Variants in PRKCE observed in about 807,000 individuals in gnomAD.
PRKCE encodes protein kinase C epsilon.
In PRKCE, 16 loss-of-function variants were observed where a neutral mutation model predicts 85.4. The ratio of observed to expected loss-of-function variants is 0.19; its 90% CI spans 0.13 to 0.28. The LOEUF (loss-of-function observed/expected upper bound fraction) is 0.28, where lower values mean the gene tolerates loss of function less well. Ranked by LOEUF, PRKCE falls within the 10% of genes least tolerant of loss-of-function variation. PRKCE has a pLI of 1.00. For missense variants in PRKCE, 573 were observed against 975.2 expected (o/e 0.59, Z 5.49); for synonymous variants, 388 against 371.5 (o/e 1.04, Z -0.51).
intron 6 of PRKCE, among the ~76,000 whole-genome samples, chr2:45,992,850 C>G (rs1305786301): frequency 6.6e-6 from 1 of 151,930 alleles, no homozygotes; most frequent in Non-Finnish European, 1.5e-5. Context: ...GTCAGAGTGC[C>G]TGAACCCCAG....
intron 1 of PRKCE, among the ~76,000 whole-genome samples, chr2:45,802,053 C>T (rs1390092508): frequency 1.4e-5 from 2 of 140,776 alleles, no homozygotes; most frequent in African/African-American, 2.7e-5. Flanking sequence ...AGTTCAAGAA[C>T]AACCTGGGCA....
chr2:46,052,008 T>C (rs1166467476), intron 10 of PRKCE, among the ~76,000 whole-genome samples: 3 of 152,042 alleles, frequency 2.0e-5, no homozygotes, highest in African/African-American at 7.2e-5. Context: ...CCCACCTGGT[T>C]CCTCCATCAA....
At chr2:46,059,208 AGCCCAGGAGG>A (rs1558405657) in intron 10 of PRKCE, among the ~76,000 whole-genome samples, 3 of 152,024 alleles carry the variant, frequency 2.0e-5, no homozygotes, top group African/African-American at 7.3e-5. Flanking sequence ...GTGAGCCATG[AGCCCAGGAGG>A]TTAAGGCTAC....
intron 1 of PRKCE, among the ~76,000 whole-genome samples, chr2:45,692,786 T>C (rs2104091643): frequency 6.6e-6 from 1 of 152,138 alleles, no homozygotes; most frequent in Admixed American, 6.5e-5. Context: ...AACACACATC[T>C]ATCACATGAT....
chr2:45,768,484 C>T (rs1457186645), intron 1 of PRKCE, among the ~76,000 whole-genome samples: 2 of 152,152 alleles, frequency 1.3e-5, no homozygotes, highest in Admixed American at 1.3e-4. Flanking sequence ...TTAGCTTTCC[C>T]TTCCCTCTTT....
At chr2:45,869,702 CTCTCTT>C (rs1486710334) in intron 2 of PRKCE, among the ~76,000 whole-genome samples, 1 of 122,584 alleles carries the variant, frequency 8.2e-6, no homozygotes, top group Non-Finnish European at 1.7e-5. Flanking sequence ...TTGTTTCTCT[CTCTCTT>C]TTTTTTTTTT....
chr2:46,095,020 C>T (rs1342927653), intron 11 of PRKCE, among the ~76,000 whole-genome samples: 1 of 152,184 alleles, frequency 6.6e-6, no homozygotes, highest in African/African-American at 2.4e-5. Flanking sequence ...CTATTGCACT[C>T]GCCCGGCATA....
chr2:45,894,451 G>A (rs1695976226), intron 2 of PRKCE, among the ~76,000 whole-genome samples: 1 of 151,020 alleles, frequency 6.6e-6, no homozygotes, highest in Non-Finnish European at 1.5e-5. Context: ...GCTCTGGGGA[G>A]TAGCGTCATT....
rs139907794 is a variant in PRKCE, at chr2:45,786,604, G to A, written c.349-56396G>A. On this transcript the variant is annotated intron_variant, in intron 1 of 14. Transcript: ENST00000306156. The surrounding 1 kb of genome is among the most constrained non-coding windows in gnomAD (Gnocchi z 5.3). ...GGGGCCTTCAGACCTTGGCACTGGAGGTTCAACTGGGAAGACAGAGTATTT... is the reference window on the plus strand; with the variant it reads ...GGGGCCTTCAGACCTTGGCACTGGAAGTTCAACTGGGAAGACAGAGTATTT... Among the ~76,000 whole-genome samples, 1 of 152,332 alleles carries A rather than the reference G, an allele frequency of 6.6e-6. No homozygotes were observed. The highest frequency in any genetic ancestry group is 2.4e-5 in the African/African-American group (1 of 41,578).
chr2:45,689,137 T>G (rs1246494488), intron 1 of PRKCE, among the ~76,000 whole-genome samples: 1 of 152,196 alleles, frequency 6.6e-6, no homozygotes, highest in Non-Finnish European at 1.5e-5. Flanking sequence ...CTTATTTGCT[T>G]TACAAGAAGG....
chr2:45,703,668 ATTC>A (rs1266764396), intron 1 of PRKCE, among the ~76,000 whole-genome samples: 5 of 152,084 alleles, frequency 3.3e-5, no homozygotes, highest in Admixed American at 1.3e-4. Flanking sequence ...CATGGAACTG[ATTC>A]TTCTTTGGAT....
At chr2:45,982,163 T>C (rs1702940405) in intron 5 of PRKCE, among the ~76,000 whole-genome samples, 1 of 152,218 alleles carries the variant, frequency 6.6e-6, no homozygotes, top group African/African-American at 2.4e-5. Context: ...CACCACCTTG[T>C]GCTTCCAGAG....
chr2:45,655,735 C>T (rs907936272), intron 1 of PRKCE, among the ~76,000 whole-genome samples: 3 of 150,644 alleles, frequency 2.0e-5, no homozygotes, highest in African/African-American at 7.3e-5. Flanking sequence ...ACTCAGGAGG[C>T]CAAAGTGGGA....
chr2:45,947,572 C>G (rs1331982043), intron 2 of PRKCE, among the ~76,000 whole-genome samples: 1 of 152,168 alleles, frequency 6.6e-6, no homozygotes, highest in Non-Finnish European at 1.5e-5. Context: ...AATAACAATA[C>G]TAACACAGCT....
At chr2:46,164,184 C>T (rs1435315655) in intron 14 of PRKCE, among the ~76,000 whole-genome samples, 1 of 152,194 alleles carries the variant, frequency 6.6e-6, no homozygotes, top group Non-Finnish European at 1.5e-5. Context: ...CTCCAAGTTA[C>T]TGGATCACAA....
chr2:45,845,572 A>G (rs1236517973), intron 2 of PRKCE: 1 of 152,190 alleles, frequency 6.6e-6, no homozygotes, highest in Non-Finnish European at 1.5e-5. Flanking sequence ...TTTACAACAC[A>G]TGCAAATTCC....
At chr2:45,724,290 G>C (rs1211085663) in intron 1 of PRKCE, among the ~76,000 whole-genome samples, 3 of 152,134 alleles carry the variant, frequency 2.0e-5, no homozygotes, top group African/African-American at 7.2e-5. Flanking sequence ...TTTTGGAGTG[G>C]CGTGAATTGC....
intron 1 of PRKCE, among the ~76,000 whole-genome samples, chr2:45,725,749 T>C (rs1681010038): frequency 6.6e-6 from 1 of 151,912 alleles, no homozygotes; most frequent in East Asian, 1.9e-4. Flanking sequence ...GATGATCGCT[T>C]GAACCCGGGA....
At chr2:45,845,043 AAAG>A (rs1358081046) in intron 2 of PRKCE, among the ~76,000 whole-genome samples, 2 of 152,230 alleles carry the variant, frequency 1.3e-5, no homozygotes, top group East Asian at 3.9e-4. Flanking sequence ...GCTCTGAAGA[AAAG>A]AAGACATTTT....
Sources: gnomAD v4.1 joint callset for allele counts (sites outside exome capture counted in the v4.1 genomes callset) on GRCh38, gnomAD v4.1.1 for gene constraint, Gnocchi (gnomAD v3.1) non-coding constraint, MANE v1.5 for transcripts, NCBI Gene and HGNC (gene_info 2026-07-23, HGNC 2026-07-21) for gene names.